Variants in BRINP3 observed in about 807,000 individuals in gnomAD.
BRINP3 encodes BMP/retinoic acid inducible neural specific 3.
Under a neutral mutation model 71.0 loss-of-function variants are expected in BRINP3, and 19 were observed. That is an observed-to-expected ratio of 0.27 (90% CI 0.19 to 0.39). The LOEUF is 0.39. BRINP3 is among the 10% of genes least tolerant of loss of function. BRINP3 has a pLI of 1.00. For missense variants in BRINP3, 959 were observed against 940.8 expected, an observed-to-expected ratio of 1.02 and a Z score of -0.25; for synonymous variants, 380 against 337.7, an observed-to-expected ratio of 1.13 and a Z score of -1.37.
At chr1:190,140,620 C>T (rs1655354402) in intron 7 of BRINP3, among the ~76,000 whole-genome samples, 1 of 152,056 alleles carries the variant, frequency 6.6e-6, no homozygotes. Context: ...TTTGACATTG[C>T]TCAACATCAA....
At chr1:190,251,698 C>A (rs1660155590) in intron 4 of BRINP3, among the ~76,000 whole-genome samples, 1 of 151,694 alleles carries the variant, frequency 6.6e-6, no homozygotes, top group Non-Finnish European at 1.5e-5. Context: ...CATCTACTGA[C>A]AGGTAGATAA....
chr1:190,322,018 AT>A (rs1165178074), intron 2 of BRINP3, among the ~76,000 whole-genome samples: 1 of 151,982 alleles, frequency 6.6e-6, no homozygotes, highest in African/African-American at 2.4e-5. Flanking sequence ...TCATAAATCT[AT>A]TTTTATATAT....
At chr1:190,458,868 A>G (rs1479801755) in intron 1 of BRINP3, among the ~76,000 whole-genome samples, 1 of 151,994 alleles carries the variant, frequency 6.6e-6, no homozygotes, top group Non-Finnish European at 1.5e-5. Flanking sequence ...TAACTGGCCA[A>G]CTAAAGAGAT....
intron 2 of BRINP3, among the ~76,000 whole-genome samples, chr1:190,314,032 G>GA (rs1665715789): frequency 6.6e-6 from 1 of 151,670 alleles, no homozygotes; most frequent in Non-Finnish European, 1.5e-5. Flanking sequence ...CACACTTAAG[G>GA]GCTTTGTATT....
At chr1:190,473,308 G>T (rs1409218045) in intron 1 of BRINP3, among the ~76,000 whole-genome samples, 2 of 151,906 alleles carry the variant, frequency 1.3e-5, no homozygotes, top group African/African-American at 4.8e-5. Flanking sequence ...ACTAAGAAAA[G>T]CACTACAACT....
At chr1:190,209,533 G>A (rs984087574) in intron 6 of BRINP3, among the ~76,000 whole-genome samples, 6 of 152,090 alleles carry the variant, frequency 3.9e-5, no homozygotes, top group East Asian at 1.9e-4. Flanking sequence ...CTGGAAGGTC[G>A]ACTTTCTTAT....
chr1:190,431,398 G>A (rs1228391935), intron 2 of BRINP3, among the ~76,000 whole-genome samples: 1 of 151,996 alleles, frequency 6.6e-6, no homozygotes, highest in Non-Finnish European at 1.5e-5. Flanking sequence ...TCTCTCTGCT[G>A]CCCAGGCCGG....
At chr1:190,384,184 C>T (rs1670732852) in intron 2 of BRINP3, among the ~76,000 whole-genome samples, 2 of 124,806 alleles carry the variant, frequency 1.6e-5, no homozygotes, top group African/African-American at 2.6e-5. Flanking sequence ...CTTCCTTTTT[C>T]TTCAGGTTTT....
chr1:190,122,533 C>T lies in BRINP3; in HGVS notation c.1185-23399G>A, dbSNP rs570249062. ...CAAGCCAAGGAACACCAGGAATCAC[C>T]GGCATGAAAGGCTTTCTCCCTAGAA... is the stretch of plus-strand genomic sequence containing the variant. On this transcript the variant is annotated intron_variant, in intron 7 of 7. Coordinates refer to ENST00000367462, the MANE Select transcript of BRINP3 (RefSeq NM_199051.3). Among the ~76,000 whole-genome samples, 191 of 132,742 alleles carry T rather than the reference C, an allele frequency of 1.4e-3. 1 individual carries two copies. The highest frequency in any genetic ancestry group is 5.3e-3 in the African/African-American group (186 of 35,146). The allele number at this position is 132,742 out of a possible 152,430, so 87.1% of individuals were successfully genotyped here. A position where few individuals can be genotyped will look rare whatever the true frequency, so the allele number is the denominator to read the frequency against.
At chr1:190,326,673 C>T (rs1666596641) in intron 2 of BRINP3, among the ~76,000 whole-genome samples, 1 of 151,992 alleles carries the variant, frequency 6.6e-6, no homozygotes, top group Non-Finnish European at 1.5e-5. Flanking sequence ...AAAGAAAATC[C>T]AATCAAGAAT....
intron 6 of BRINP3, among the ~76,000 whole-genome samples, chr1:190,170,868 A>C (rs1390593323): frequency 6.6e-6 from 1 of 152,180 alleles, no homozygotes; most frequent in Non-Finnish European, 1.5e-5. Flanking sequence ...TTTAAGTCTT[A>C]AGCATTTTTA....
intron 3 of BRINP3, among the ~76,000 whole-genome samples, chr1:190,278,374 T>A (rs548840843): frequency 1.3e-5 from 2 of 151,332 alleles, no homozygotes; most frequent in South Asian, 4.2e-4. Context: ...CAAACCTCCA[T>A]TTTTTTTAAA....
chr1:190,395,057 G>GCACAA lies in BRINP3; in HGVS notation c.236+59597_236+59598insTTGTG, dbSNP rs1290008287. Among the ~76,000 whole-genome samples the GCACAA allele has an allele frequency of 4.2e-3, 641 of 151,730 alleles. 5 individuals are homozygous for GCACAA. The highest frequency in any genetic ancestry group is 0.014 in the African/African-American group (596 of 41,450). On this transcript the variant is annotated intron_variant, in intron 2 of 7. Transcript: ENST00000367462. ...AATTAAAGTAGATTGTGATATTTGTGGTAAGAATATATCTTGTGTATCAAT... is the reference window on the plus strand; with the variant it reads ...AATTAAAGTAGATTGTGATATTTGTGCACAAGTAAGAATATATCTTGTGTATCAAT...
intron 2 of BRINP3, among the ~76,000 whole-genome samples, chr1:190,321,347 T>C (rs1467619334): frequency 6.6e-6 from 1 of 152,130 alleles, no homozygotes; most frequent in Non-Finnish European, 1.5e-5. Flanking sequence ...CCTCCTAAAG[T>C]ACCATTCATG....
At position 190,318,567 on chromosome 1, in the gene BRINP3, T is replaced by C. The variant is rs578228687; in HGVS notation, c.237-36817A>G. ...GCTTCTTCTGAAGTCTGGTGATAAA[T>C]GCAGGATTAGGGAAAGGTTTTGATT... On this transcript the variant is annotated intron_variant, in intron 2 of 7. Transcript: ENST00000367462. Among the ~76,000 whole-genome samples, 4 of 152,238 alleles carry C rather than the reference T, an allele frequency of 2.6e-5. No homozygotes were observed. In the East Asian group the frequency reaches 7.7e-4, roughly 29 times the overall value.
chr1:190,159,893 T>A (rs182627971), intron 7 of BRINP3, among the ~76,000 whole-genome samples: 1 of 152,170 alleles, frequency 6.6e-6, no homozygotes, highest in East Asian at 1.9e-4. Context: ...CCTTCAGGGT[T>A]TTTTTTCCAG....
rs183864968 is a variant in BRINP3, at chr1:190,333,186, A to G, written c.237-51436T>C. The stretch of plus-strand genomic sequence containing the variant: ...AGGGTAGATTTCTCCCCCACTGCAT[A>G]AAAATTTATAGATGAGAAAATCAAT... On this transcript the variant is annotated intron_variant, in intron 2 of 7. Coordinates refer to ENST00000367462, the MANE Select transcript of BRINP3 (RefSeq NM_199051.3). Among the ~76,000 whole-genome samples, 9 of 152,090 alleles carry G rather than the reference A, an allele frequency of 5.9e-5. No homozygotes were observed. In the East Asian group the frequency reaches 1.7e-3, roughly 30 times the overall value.
intron 2 of BRINP3, among the ~76,000 whole-genome samples, chr1:190,282,700 C>T (rs1267672922): frequency 6.6e-6 from 1 of 151,964 alleles, no homozygotes; most frequent in African/African-American, 2.4e-5. Context: ...GATTCATCTA[C>T]TGATGAGACC....
intron 6 of BRINP3, among the ~76,000 whole-genome samples, chr1:190,170,522 A>G (rs928851534): frequency 6.6e-6 from 1 of 152,132 alleles, no homozygotes; most frequent in Admixed American, 6.6e-5. Flanking sequence ...ATAAAACGTG[A>G]AGCCATTTTT....
Sources: allele counts gnomAD v4.1 joint callset (sites outside exome capture counted in the v4.1 genomes callset), GRCh38; gene constraint gnomAD v4.1.1; transcripts MANE v1.5; gene names NCBI Gene and HGNC (gene_info 2026-07-23, HGNC 2026-07-21).